NDUFAF6: variants seen among roughly 807,000 people sequenced by gnomAD.
The protein encoded by NDUFAF6 is NADH dehydrogenase (ubiquinone) complex I, assembly factor 6.
Under a neutral mutation model 40.8 loss-of-function variants are expected in NDUFAF6, and 45 were observed. The ratio of observed to expected loss-of-function variants is 1.10; its 90% CI spans 0.87 to 1.42. The LOEUF (loss-of-function observed/expected upper bound fraction) is 1.42, where lower values mean the gene tolerates loss of function less well. Among genes scored for constraint, NDUFAF6 ranks in the 40% most tolerant of loss-of-function variants. NDUFAF6 has a pLI of 0.00. For synonymous variants in NDUFAF6, 185 were observed against 155.9 expected, an observed-to-expected ratio of 1.19 and a Z score of -1.39; for missense variants, 435 against 418.5, an observed-to-expected ratio of 1.04 and a Z score of -0.34.
chr8:95,063,417 G>A (rs1274363853), downstream of NDUFAF6, among the ~76,000 whole-genome samples: 12 of 152,070 alleles, frequency 7.9e-5, no homozygotes, highest in East Asian at 7.7e-4. Context: ...TGGCCAACAC[G>A]ATGAAACCCT....
At chr8:95,023,023 T>A (rs1286117445), upstream of NDUFAF6, 1 of 152,242 alleles carries the variant, frequency 6.6e-6, no homozygotes, top group African/African-American at 2.4e-5. Context: ...CTGATTTGTT[T>A]CCCTGTGGTG....
At chr8:95,017,462 TG>T (rs1387200159) in intron 2 of NDUFAF6, among the ~76,000 whole-genome samples, 1 of 152,214 alleles carries the variant, frequency 6.6e-6, no homozygotes, top group African/African-American at 2.4e-5. Flanking sequence ...CATCTATCCA[TG>T]TGGTCCATAC....
intron 3 of NDUFAF6, 136 bp from the exon 4 acceptor site, chr8:95,041,434 A>T: frequency 4.7e-6 from 3 of 640,092 alleles, no homozygotes; most frequent in Non-Finnish European, 8.4e-6. Flanking sequence ...TACTTCTTTA[A>T]CATAGCTGTC....
intron 2 of NDUFAF6, chr8:94,988,523 CT>C (rs1172175726): frequency 3.3e-5 from 5 of 151,134 alleles, no homozygotes; most frequent in African/African-American, 4.9e-5. Flanking sequence ...TTTTTTTTCC[CT>C]CAAAAGTGGG....
chr8:94,942,207 CT>C (rs921262568), intron 1 of NDUFAF6, among the ~76,000 whole-genome samples: 7 of 148,732 alleles, frequency 4.7e-5, no homozygotes, highest in Admixed American at 2.7e-4. Context: ...CGGCTAATTT[CT>C]TTTTTTTTTA....
At chr8:94,897,788 G>T (rs1417597690) in intron 1 of NDUFAF6, among the ~76,000 whole-genome samples, 6 of 146,198 alleles carry the variant, frequency 4.1e-5, no homozygotes, top group African/African-American at 1.3e-4. Context: ...TCATCTTACA[G>T]GACAAAAATT....
At chr8:95,037,556 T>TGTA (rs148742435) in intron 3 of NDUFAF6, among the ~76,000 whole-genome samples, 4 of 151,974 alleles carry the variant, frequency 2.6e-5, no homozygotes, top group South Asian at 2.1e-4. Flanking sequence ...AGTCCTGCCA[T>TGTA]GTAGTAGTAG....
intron 2 of NDUFAF6, among the ~76,000 whole-genome samples, chr8:95,081,797 C>T (rs1808878580): frequency 6.6e-6 from 1 of 151,852 alleles, no homozygotes; most frequent in African/African-American, 2.4e-5. Context: ...CGTGGTGGCT[C>T]ACGCCTGTAA....
intron 1 of NDUFAF6, chr8:94,926,227 T>C (rs1819879099): frequency 6.6e-6 from 1 of 152,538 alleles, no homozygotes; most frequent in South Asian, 2.1e-4. Flanking sequence ...CATTTATGCA[T>C]AGATTGATGT....
At chr8:94,917,193 G>T (rs1187924117) in intron 1 of NDUFAF6, among the ~76,000 whole-genome samples, 2 of 151,136 alleles carry the variant, frequency 1.3e-5, no homozygotes, top group Non-Finnish European at 2.9e-5. Context: ...CGTTAACGTA[G>T]AAGGTTCTAT....
rs981127273 is a variant in NDUFAF6, at chr8:95,048,576, T to C, written c.816+18T>C. 6.4e-7 allele frequency: 1 copy of C among 1,558,992 alleles called. No individual in the cohort carries two copies. Among genetic ancestry groups the C allele is most frequent in the African/African-American group, 1.4e-5 (1 of 73,698 alleles). ...TAAAGCATGTAAGTCGGCTTTTTTT[T>C]GCCAAATCATTTAGGGAATAATCAT... On this transcript the variant is annotated intron_variant, in intron 7 of 8. Transcript: ENST00000396124.
intron 2 of NDUFAF6, among the ~76,000 whole-genome samples, chr8:95,009,918 A>AT (rs763860257): frequency 6.6e-6 from 1 of 152,200 alleles, no homozygotes; most frequent in Admixed American, 6.5e-5. Flanking sequence ...ACAGTTACAC[A>AT]TTTTTGAAGT....
chr8:94,978,265 G>C (rs1825132125), intron 1 of NDUFAF6, among the ~76,000 whole-genome samples: 1 of 152,184 alleles, frequency 6.6e-6, no homozygotes. Context: ...GCCTCCATAA[G>C]ACTACAAGGC....
chr8:95,090,098 T>C lies in NDUFAF6; in HGVS notation n.214-11034T>C, dbSNP rs535395420. Among the ~76,000 whole-genome samples the C allele has an allele frequency of 4.3e-4, 65 of 152,098 alleles. No homozygotes were observed. The South Asian group carries it at 0.013, about 30-fold the overall frequency. On this transcript the variant is annotated intron_variant and non_coding_transcript_variant, in intron 2 of 5. Transcript: ENST00000523184. ...CTGCACCTCAGCAGGTGTCTTTTCTTAAGAGACACCTTAAGGTGGGTGCTC... is the reference window on the plus strand; with the variant it reads ...CTGCACCTCAGCAGGTGTCTTTTCTCAAGAGACACCTTAAGGTGGGTGCTC...
At chr8:95,023,958 T>C (rs1586987845), upstream of NDUFAF6, among the ~76,000 whole-genome samples, 3 of 148,784 alleles carry the variant, frequency 2.0e-5, no homozygotes, top group Admixed American at 6.7e-5. Context: ...GCCACAGCAC[T>C]CCAGCCTGGC....
upstream of NDUFAF6, among the ~76,000 whole-genome samples, chr8:95,099,955 G>T (rs921584850): frequency 5.3e-5 from 8 of 152,216 alleles, no homozygotes; most frequent in African/African-American, 1.9e-4. Context: ...CAGGCTTTGG[G>T]AGAACATGCG....
Position 94,982,924 on chromosome 8 carries a change from G to A in NDUFAF6, c.-84+1951G>A, listed in dbSNP as rs1480766233. Among the ~76,000 whole-genome samples the A allele has an allele frequency of 3.9e-5, 6 of 152,324 alleles. No individual in the cohort carries two copies. The East Asian group carries it at 7.7e-4, about 20-fold the overall frequency. ...TAATAAAGACAGAATGTGCATGTTC[G>A]TTATGTGGTCCTCACAATACTGGTC... is the stretch of plus-strand genomic sequence containing the variant. On this transcript the variant is annotated intron_variant, in intron 2 of 9. Transcript: ENST00000396111.
At chr8:94,930,213 A>G (rs1320202449) in intron 1 of NDUFAF6, 2 of 400,196 alleles carry the variant, frequency 5.0e-6, no homozygotes, top group East Asian at 4.2e-5. Context: ...ATATATTTAA[A>G]GACACCCCCA....
chr8:94,934,953 G>T (rs1397173823), intron 1 of NDUFAF6, among the ~76,000 whole-genome samples: 1 of 151,924 alleles, frequency 6.6e-6, no homozygotes, highest in African/African-American at 2.4e-5. Flanking sequence ...TTTCATTTTG[G>T]TACAAGCAAA....
Sources: allele counts gnomAD v4.1 joint callset (sites outside exome capture counted in the v4.1 genomes callset), GRCh38; gene constraint gnomAD v4.1.1; transcripts MANE v1.5; gene names NCBI Gene and HGNC (gene_info 2026-07-23, HGNC 2026-07-21).